Variants in UNC5D observed in about 807,000 individuals in gnomAD.
UNC5D encodes the protein unc-5 netrin receptor D, also known as netrin receptor UNC5D.
In UNC5D, 39 loss-of-function variants were observed where a neutral mutation model predicts 105.4. The ratio of observed to expected loss-of-function variants is 0.37; its 90% CI spans 0.29 to 0.48. The LOEUF is 0.48. Among genes scored for constraint, UNC5D ranks in the 20% least tolerant of loss-of-function variants. The pLI, the probability that UNC5D is intolerant of heterozygous loss-of-function variation, is 0.98. For missense variants in UNC5D, 991 were observed against 1,202.4 expected (o/e 0.82, Z 2.60); for synonymous variants, 452 against 450.4 (o/e 1.00, Z -0.04).
At chr8:35,459,688 G>A (rs1278516599) in intron 1 of UNC5D, among the ~76,000 whole-genome samples, 1 of 152,186 alleles carries the variant, frequency 6.6e-6, no homozygotes, top group Non-Finnish European at 1.5e-5. Context: ...GGAAATGTTT[G>A]TTTGTTTTTA....
intron 4 of UNC5D, among the ~76,000 whole-genome samples, chr8:35,674,864 T>G (rs1825097853): frequency 1.3e-5 from 2 of 152,194 alleles, no homozygotes; most frequent in Admixed American, 1.3e-4. Context: ...CAATCAGTCT[T>G]GCTTTTTGTA....
intron 1 of UNC5D, among the ~76,000 whole-genome samples, chr8:35,401,341 G>A (rs577983222): frequency 1.1e-4 from 17 of 152,078 alleles, no homozygotes; most frequent in East Asian, 3.9e-4. Context: ...AAAATTAGCC[G>A]GGCATAGTGG....
intron 1 of UNC5D, among the ~76,000 whole-genome samples, chr8:35,274,880 G>A (rs1046567208): frequency 2.0e-4 from 30 of 151,904 alleles, no homozygotes; most frequent in African/African-American, 6.0e-4. Flanking sequence ...ACCTGAGGTT[G>A]GGAGTTTGAG....
intron 1 of UNC5D, among the ~76,000 whole-genome samples, chr8:35,516,353 C>T (rs1284138168): frequency 2.0e-5 from 3 of 152,158 alleles, no homozygotes; most frequent in African/African-American, 7.2e-5. Context: ...AACTGAATTG[C>T]CTGTTTTTCT....
chr8:35,476,265 T>C (rs1414760752), intron 1 of UNC5D, among the ~76,000 whole-genome samples: 1 of 152,178 alleles, frequency 6.6e-6, no homozygotes. Flanking sequence ...CCTTCACAAG[T>C]ACACTGGAAT....
rs1806451562 is a variant in UNC5D, at chr8:35,284,608, G to A, written c.103+48721G>A. On this transcript the variant is annotated intron_variant, in intron 1 of 16. Coordinates refer to ENST00000404895, the MANE Select transcript of UNC5D (RefSeq NM_080872.4). ...CTCACTCTGTCGCCCAGGCTGCAGT[G>A]CAGTGGCACGACCTCAGCTCACTAT... Among the ~76,000 whole-genome samples, 3 of 152,208 alleles carry A rather than the reference G, an allele frequency of 2.0e-5. No homozygotes were observed. The East Asian group carries it at 5.8e-4, about 29-fold the overall frequency.
At chr8:35,784,297 G>C (rs1290828769) in intron 16 of UNC5D, among the ~76,000 whole-genome samples, 3 of 152,118 alleles carry the variant, frequency 2.0e-5, no homozygotes, top group Non-Finnish European at 4.4e-5. Context: ...GTATTCGGCT[G>C]TCTTCTCCTA....
intron 4 of UNC5D, among the ~76,000 whole-genome samples, chr8:35,617,636 G>A (rs574666594): frequency 3.0e-4 from 46 of 152,260 alleles, no homozygotes; most frequent in Middle Eastern, 6.8e-3. Context: ...GCTTTGATTT[G>A]TGCAAATTGC....
chr8:35,454,395 TGAAAA>T (rs1808353233), intron 1 of UNC5D, among the ~76,000 whole-genome samples: 1 of 152,082 alleles, frequency 6.6e-6, no homozygotes, highest in Non-Finnish European at 1.5e-5. Context: ...AGGGAATAGA[TGAAAA>T]GGAAACACAG....
At chr8:35,243,923 C>G (rs997459960) in intron 1 of UNC5D, among the ~76,000 whole-genome samples, 2 of 152,032 alleles carry the variant, frequency 1.3e-5, no homozygotes, top group African/African-American at 4.8e-5. Flanking sequence ...TGATAAAACC[C>G]TTAGGAAACT....
At chr8:35,460,215 C>T (rs1490489014) in intron 1 of UNC5D, among the ~76,000 whole-genome samples, 1 of 152,162 alleles carries the variant, frequency 6.6e-6, no homozygotes, top group Non-Finnish European at 1.5e-5. Context: ...AGCTCTGCTG[C>T]TTGCTTGCTG....
intron 4 of UNC5D, among the ~76,000 whole-genome samples, chr8:35,654,937 A>G (rs7841869): frequency 0.18 from 27,789 of 152,112 alleles, 5,786 homozygotes; most frequent in African/African-American, 0.51. Flanking sequence ...CTGAAGTCCT[A>G]TGACTTGAGG....
At chr8:35,255,572 C>G (rs1660160816) in intron 1 of UNC5D, 1 of 152,056 alleles carries the variant, frequency 6.6e-6, no homozygotes, top group African/African-American at 2.4e-5. Context: ...TTTTTCTACT[C>G]CTGGTATGCT....
intron 4 of UNC5D, among the ~76,000 whole-genome samples, chr8:35,625,286 C>A (rs1821639955): frequency 6.6e-6 from 1 of 151,474 alleles, no homozygotes. Context: ...AAATGTTTAA[C>A]ACAGGGTTTG....
chr8:35,423,667 A>C (rs771968609), intron 1 of UNC5D, among the ~76,000 whole-genome samples: 7 of 152,164 alleles, frequency 4.6e-5, no homozygotes, highest in Non-Finnish European at 8.8e-5. Context: ...AACAAGTGTC[A>C]TGTTTTGGAG....
At chr8:35,260,321 G>T (rs1353569657) in intron 1 of UNC5D, among the ~76,000 whole-genome samples, 1 of 152,124 alleles carries the variant, frequency 6.6e-6, no homozygotes, top group East Asian at 1.9e-4. Context: ...ACCTAGTGAG[G>T]TGCTTACTAC....
intron 8 of UNC5D, among the ~76,000 whole-genome samples, chr8:35,708,222 C>G (rs992063615): frequency 6.6e-6 from 1 of 152,138 alleles, no homozygotes; most frequent in Admixed American, 6.5e-5. Context: ...GGCAGAGGCA[C>G]GAGCTTAGAG....
chr8:35,608,071 C>G (rs1820428583), intron 4 of UNC5D, among the ~76,000 whole-genome samples: 1 of 152,080 alleles, frequency 6.6e-6, no homozygotes, highest in South Asian at 2.1e-4. Context: ...CTGCAAAGAC[C>G]CAATTACCAA....
At chr8:35,283,881 A>C (rs1256263233) in intron 1 of UNC5D, among the ~76,000 whole-genome samples, 1 of 152,096 alleles carries the variant, frequency 6.6e-6, no homozygotes, top group Admixed American at 6.6e-5. Flanking sequence ...AGGCATCAGC[A>C]TTTCTCAAAG....
Sources: gnomAD v4.1 joint callset for allele counts (sites outside exome capture counted in the v4.1 genomes callset) on GRCh38, gnomAD v4.1.1 for gene constraint, MANE v1.5 for transcripts, NCBI Gene and HGNC (gene_info 2026-07-23, HGNC 2026-07-21) for gene names.